The following GRIA1 variants were observed in gnomAD, a reference collection of about 807,000 sequenced individuals.
GRIA1 encodes glutamate ionotropic receptor AMPA type subunit 1.
A neutral mutation model predicts 99.2 loss-of-function variants in GRIA1; 31 were observed. The observed-to-expected ratio is 0.31, with a 90% CI of 0.23 to 0.42. The LOEUF (loss-of-function observed/expected upper bound fraction) is 0.42, where lower values mean the gene tolerates loss of function less well. Ranked by LOEUF, GRIA1 falls within the 10% of genes least tolerant of loss-of-function variation. GRIA1 has a pLI of 1.00. For synonymous variants in GRIA1, 438 were observed against 432.4 expected (o/e 1.01, Z -0.16); for missense variants, 782 against 1,157.5 (o/e 0.68, Z 4.71).
chr5:153,643,696 C>T (rs934372393), intron 2 of GRIA1, among the ~76,000 whole-genome samples: 2 of 152,214 alleles, frequency 1.3e-5, no homozygotes, highest in Non-Finnish European at 2.9e-5. Context: ...GCCAGGCTAC[C>T]TCCAAGCCAT....
intron 2 of GRIA1, among the ~76,000 whole-genome samples, chr5:153,584,207 A>G (rs1403973822): frequency 1.3e-5 from 2 of 152,176 alleles, no homozygotes; most frequent in African/African-American, 4.8e-5. Flanking sequence ...GGCTGGTACT[A>G]TGATGAAATT....
chr5:153,505,251 G>C (rs184058775), intron 2 of GRIA1, among the ~76,000 whole-genome samples: 30 of 152,302 alleles, frequency 2.0e-4, no homozygotes, highest in African/African-American at 6.7e-4. Flanking sequence ...CAACTGATTT[G>C]GGGGAAGGTG....
intron 2 of GRIA1, among the ~76,000 whole-genome samples, chr5:153,617,295 C>T (rs1292799315): frequency 6.6e-6 from 1 of 152,170 alleles, no homozygotes; most frequent in Non-Finnish European, 1.5e-5. Context: ...GTGTATGTGC[C>T]TGATGGCTAT....
chr5:153,749,536 G>A (rs1452309040), intron 11 of GRIA1, among the ~76,000 whole-genome samples: 1 of 152,180 alleles, frequency 6.6e-6, no homozygotes, highest in Non-Finnish European at 1.5e-5. Flanking sequence ...GGGAGAAAGA[G>A]AGAGGAAGAT....
intron 2 of GRIA1, among the ~76,000 whole-genome samples, chr5:153,562,896 G>A (rs1392341708): frequency 5.3e-5 from 8 of 152,066 alleles, no homozygotes; most frequent in South Asian, 2.1e-4. Flanking sequence ...TCCTGCTTGC[G>A]GCCAGGCACG....
At chr5:153,697,826 C>G (rs1362500414) in intron 8 of GRIA1, among the ~76,000 whole-genome samples, 2 of 152,126 alleles carry the variant, frequency 1.3e-5, no homozygotes, top group Non-Finnish European at 2.9e-5. Context: ...CAAACTGAAC[C>G]AATTATTGTG....
At chr5:153,589,424 TA>T (rs201294163) in intron 2 of GRIA1, among the ~76,000 whole-genome samples, 1,600 of 152,280 alleles carry the variant, frequency 0.011, 13 homozygotes, top group Non-Finnish European at 0.016. Flanking sequence ...ATTTCAACTT[TA>T]AAAACTCAAC....
chr5:153,726,075 G>A (rs1760503912), intron 11 of GRIA1, among the ~76,000 whole-genome samples: 2 of 151,890 alleles, frequency 1.3e-5, no homozygotes, highest in South Asian at 4.2e-4. Flanking sequence ...TAGAACTCAG[G>A]ATTAAGAAAC....
At chr5:153,786,203 A>G (rs1187417551) in intron 13 of GRIA1, among the ~76,000 whole-genome samples, 2 of 152,036 alleles carry the variant, frequency 1.3e-5, no homozygotes, top group Admixed American at 6.6e-5. Context: ...TCCCTTGCCC[A>G]TGGGTAAAGT....
chr5:153,491,845 A>G (rs1753946766), intron 1 of GRIA1, among the ~76,000 whole-genome samples: 1 of 151,986 alleles, frequency 6.6e-6, no homozygotes, highest in Non-Finnish European at 1.5e-5. Flanking sequence ...CTTAGTTGTT[A>G]CACTTCTCAA....
intron 13 of GRIA1, among the ~76,000 whole-genome samples, chr5:153,785,528 A>G (rs1459315535): frequency 1.3e-5 from 2 of 152,242 alleles, no homozygotes; most frequent in Non-Finnish European, 2.9e-5. Context: ...ATTTAATAAC[A>G]GAAGGAATAT....
chr5:153,557,853 T>C lies in GRIA1; in HGVS notation c.220+63788T>C, dbSNP rs1379815752. ...TAGCACGCATGGAGCTGTCATCACC[T>C]ATAACACTGCCTTCTTCTGGAATAC... is the stretch of plus-strand genomic sequence containing the variant. On this transcript the variant is annotated intron_variant, in intron 2 of 15. Transcript: ENST00000285900. The C allele has an allele frequency of 2.6e-5, 4 of 152,336 alleles. No homozygotes were observed. The East Asian group carries it at 7.7e-4, about 29-fold the overall frequency. 9.4% of individuals were successfully genotyped at this position (152,336 alleles called of 1,614,324 possible). A position where few individuals can be genotyped will look rare whatever the true frequency, so the allele number is the denominator to read the frequency against.
rs1754483455 is a variant in GRIA1, at chr5:153,650,510, G to A, written c.641G>A (p.Gly214Asp). ...CESERLNAILGQIIKLEKNGI... is the reference protein window; with the variant it reads ...CESERLNAILDQIIKLEKNGI... ...TCAGAACGCCTCAATGCTATCTTGGGCCAGGTAGTGAAAGCAGCAAGGGCT... is the reference window on the plus strand; with the variant it reads ...TCAGAACGCCTCAATGCTATCTTGGACCAGGTAGTGAAAGCAGCAAGGGCT... Residue 214 changes from glycine to aspartate, a missense_variant, in exon 4 of 16, where the codon GGC becomes GAC. Gly to Asp is a moderately conservative substitution (Grantham distance 94). Coordinates refer to ENST00000285900, the MANE Select transcript of GRIA1 (RefSeq NM_000827.4). The A allele has an allele frequency of 1.2e-6, 2 of 1,613,336 alleles. No individual in the cohort carries two copies. The highest frequency in any genetic ancestry group is 1.3e-5 in the African/African-American group (1 of 74,876).
At chr5:153,661,898 GA>G (rs1184284733) in intron 5 of GRIA1, among the ~76,000 whole-genome samples, 1 of 152,184 alleles carries the variant, frequency 6.6e-6, no homozygotes, top group Non-Finnish European at 1.5e-5. Context: ...GTCCCCAACA[GA>G]AACTCAGCCA....
intron 11 of GRIA1, among the ~76,000 whole-genome samples, chr5:153,731,168 T>G (rs1009047606): frequency 6.6e-6 from 1 of 152,076 alleles, no homozygotes; most frequent in Admixed American, 6.6e-5. Context: ...CCCTGTGAAA[T>G]TTAGCCTCAT....
chr5:153,681,931 G>T (rs566019412), intron 7 of GRIA1, among the ~76,000 whole-genome samples: 17 of 152,162 alleles, frequency 1.1e-4, no homozygotes, highest in African/African-American at 4.1e-4. Context: ...CTACCTGGGA[G>T]GCTGAGACAG....
At chr5:153,777,525 G>A (rs888528448) in intron 13 of GRIA1, among the ~76,000 whole-genome samples, 1 of 152,134 alleles carries the variant, frequency 6.6e-6, no homozygotes, top group Non-Finnish European at 1.5e-5. Context: ...GAAATAGCAT[G>A]AAGTGCCCAT....
At chr5:153,534,168 A>C (rs2113450932) in intron 2 of GRIA1, among the ~76,000 whole-genome samples, 1 of 152,032 alleles carries the variant, frequency 6.6e-6, no homozygotes, top group Middle Eastern at 3.4e-3. Context: ...AAAAGAAAAC[A>C]CTCCTTTTTT....
chr5:153,528,330 G>A (rs1380826665), intron 2 of GRIA1, among the ~76,000 whole-genome samples: 1 of 151,914 alleles, frequency 6.6e-6, no homozygotes, highest in Non-Finnish European at 1.5e-5. Context: ...ATGGTGTTTG[G>A]GATTGTGTCT....
Sources: gnomAD v4.1 joint callset for allele counts (sites outside exome capture counted in the v4.1 genomes callset) on GRCh38, gnomAD v4.1.1 for gene constraint, MANE v1.5 for transcripts, NCBI Gene and HGNC (gene_info 2026-07-23, HGNC 2026-07-21) for gene names.